The following MACROD2 variants were observed in gnomAD, a reference collection of about 807,000 sequenced individuals.
The protein encoded by MACROD2 is ADP-ribose glycohydrolase MACROD2.
MACROD2 carries 36 observed loss-of-function variants against 70.4 expected under a neutral mutation model. That is an observed-to-expected ratio of 0.51 (90% CI 0.39 to 0.68). The LOEUF (loss-of-function observed/expected upper bound fraction) is 0.68. Ranked by LOEUF, MACROD2 falls within the 30% of genes least tolerant of loss-of-function variation. The probability of loss-of-function intolerance (pLI) is 0.00; values close to 1 mark genes in which losing one functional copy is unlikely to be tolerated. For missense variants in MACROD2, 496 were observed against 538.4 expected (o/e 0.92, Z 0.78); for synonymous variants, 172 against 178.8 (o/e 0.96, Z 0.30).
rs962046682 is a variant in MACROD2 at position 14,484,744 on chromosome 20, A to G, written c.272-8735A>G. ...CCTTAACATAATGATCTCCAGTTCC[A>G]TCCTTGTTGTTGCAAATAACAGATT... On this transcript the variant is annotated intron_variant, in intron 3 of 17. Coordinates refer to ENST00000684519, the MANE Select transcript of MACROD2 (RefSeq NM_001351661.2). Among the ~76,000 whole-genome samples the G allele has an allele frequency of 6.6e-5, 10 of 152,290 alleles. No homozygotes were observed. The South Asian group carries it at 1.9e-3, about 28-fold the overall frequency.
At chr20:15,576,092 A>G (rs2048443618) in intron 8 of MACROD2, among the ~76,000 whole-genome samples, 1 of 152,000 alleles carries the variant, frequency 6.6e-6, no homozygotes, top group African/African-American at 2.4e-5. Flanking sequence ...TAAACCTTTC[A>G]ATTGTTTCCT....
chr20:14,923,374 T>C (rs931289260), intron 5 of MACROD2, among the ~76,000 whole-genome samples: 2 of 152,202 alleles, frequency 1.3e-5, no homozygotes, highest in Admixed American at 1.3e-4. Context: ...TGCTGCCTAC[T>C]CAGTATCTCC....
intron 5 of MACROD2, among the ~76,000 whole-genome samples, chr20:14,857,575 G>A (rs57317527): frequency 0.028 from 4,324 of 152,238 alleles, 208 homozygotes; most frequent in African/African-American, 0.098. Flanking sequence ...TCCAGATGTT[G>A]ACACTACAAG....
intron 15 of MACROD2, among the ~76,000 whole-genome samples, chr20:15,988,214 A>C (rs1160582775): frequency 6.6e-6 from 1 of 152,158 alleles, no homozygotes. Flanking sequence ...TGCAAATCCT[A>C]GTTCAGACTC....
At chr20:15,517,418 A>G (rs2047583609) in intron 8 of MACROD2, among the ~76,000 whole-genome samples, 1 of 152,048 alleles carries the variant, frequency 6.6e-6, no homozygotes. Context: ...TCACTTCACC[A>G]TTTGATTTTT....
intron 5 of MACROD2, among the ~76,000 whole-genome samples, chr20:15,057,258 C>G (rs926905108): frequency 6.6e-5 from 10 of 152,038 alleles, no homozygotes; most frequent in African/African-American, 2.4e-4. Flanking sequence ...CAATTTAATT[C>G]CCTCCATTTT....
intron 5 of MACROD2, among the ~76,000 whole-genome samples, chr20:15,177,742 CT>C (rs562856220): frequency 3.0e-4 from 46 of 151,836 alleles, no homozygotes; most frequent in African/African-American, 9.4e-4. Flanking sequence ...CACAAGAAAA[CT>C]TTTTTTTTCC....
At chr20:15,836,039 A>G (rs2064110697) in intron 8 of MACROD2, among the ~76,000 whole-genome samples, 1 of 152,194 alleles carries the variant, frequency 6.6e-6, no homozygotes, top group South Asian at 2.1e-4. Flanking sequence ...CCTCAGATCA[A>G]GTCCATTTCC....
At chr20:15,637,519 G>T (rs1307094537) in intron 8 of MACROD2, among the ~76,000 whole-genome samples, 1 of 152,152 alleles carries the variant, frequency 6.6e-6, no homozygotes, top group Non-Finnish European at 1.5e-5. Flanking sequence ...TTTCAGACTG[G>T]CTTTCTCAGT....
intron 3 of MACROD2, among the ~76,000 whole-genome samples, chr20:14,207,463 A>G (rs1209233776): frequency 1.3e-5 from 2 of 152,106 alleles, no homozygotes; most frequent in Non-Finnish European, 2.9e-5. Flanking sequence ...AATACAAATA[A>G]ATTTTGTTGT....
At chr20:15,956,947 C>A (rs1386198646) in intron 12 of MACROD2, among the ~76,000 whole-genome samples, 1 of 152,168 alleles carries the variant, frequency 6.6e-6, no homozygotes, top group Admixed American at 6.6e-5. Context: ...ATGTGGCCAG[C>A]CTTCAGAGTG....
At chr20:15,630,630 G>C (rs531695977) in intron 8 of MACROD2, among the ~76,000 whole-genome samples, 1 of 152,298 alleles carries the variant, frequency 6.6e-6, no homozygotes, top group South Asian at 2.1e-4. Flanking sequence ...TCTCCTAATG[G>C]GGAATGGAGA....
At chr20:14,798,528 T>C (rs898785597) in intron 5 of MACROD2, among the ~76,000 whole-genome samples, 18 of 152,122 alleles carry the variant, frequency 1.2e-4, no homozygotes, top group African/African-American at 4.1e-4. Flanking sequence ...TTTTGTCTCA[T>C]CACTGGATTT....
intron 3 of MACROD2, among the ~76,000 whole-genome samples, chr20:14,252,815 C>G (rs1210834923): frequency 6.6e-6 from 1 of 151,962 alleles, no homozygotes; most frequent in Non-Finnish European, 1.5e-5. Flanking sequence ...TAGGCTGCAG[C>G]TTTTAAAGCT....
intron 5 of MACROD2, among the ~76,000 whole-genome samples, chr20:14,880,001 G>T (rs2073593000): frequency 6.6e-6 from 1 of 152,096 alleles, no homozygotes; most frequent in Non-Finnish European, 1.5e-5. Flanking sequence ...TTTTAGCCTC[G>T]TGAGAGCAGA....
intron 3 of MACROD2, among the ~76,000 whole-genome samples, chr20:14,294,761 T>G (rs778343338): frequency 2.0e-5 from 3 of 151,868 alleles, no homozygotes; most frequent in Non-Finnish European, 4.4e-5. Context: ...TTGGCAAATA[T>G]GGAGCTCTTT....
intron 8 of MACROD2, among the ~76,000 whole-genome samples, chr20:15,723,920 T>C (rs981588720): frequency 6.6e-6 from 1 of 152,210 alleles, no homozygotes; most frequent in African/African-American, 2.4e-5. Flanking sequence ...TGAATGAGAC[T>C]TTCTGTTGCT....
At chr20:14,888,587 A>G (rs1259785745) in intron 5 of MACROD2, 1 of 152,140 alleles carries the variant, frequency 6.6e-6, no homozygotes, top group Non-Finnish European at 1.5e-5. Context: ...ATGCAACCCA[A>G]TTAAATAAAA....
chr20:14,720,258 T>C (rs1000666041), intron 5 of MACROD2, among the ~76,000 whole-genome samples: 30 of 152,184 alleles, frequency 2.0e-4, no homozygotes, highest in African/African-American at 7.0e-4. Context: ...ATCAATTCAA[T>C]TCATATTTCA....
Sources: allele counts gnomAD v4.1 joint callset (sites outside exome capture counted in the v4.1 genomes callset), GRCh38; gene constraint gnomAD v4.1.1; transcripts MANE v1.5; gene names NCBI Gene and HGNC (gene_info 2026-07-23, HGNC 2026-07-21).